Variants in CDK14 observed in about 807,000 individuals in gnomAD.
CDK14 encodes cyclin dependent kinase 14, also known as cyclin-dependent kinase 14.
CDK14 carries 34 observed loss-of-function variants against 60.7 expected under a neutral mutation model. The ratio of observed to expected loss-of-function variants is 0.56; its 90% CI spans 0.43 to 0.75. CDK14 has a LOEUF of 0.75. Ranked by LOEUF, CDK14 falls within the 30% of genes least tolerant of loss-of-function variation. The pLI is 0.00. For synonymous variants in CDK14, 197 were observed against 203.7 expected (o/e 0.97, Z 0.28); for missense variants, 482 against 564.1 (o/e 0.85, Z 1.47).
At chr7:90,611,722 G>A (rs1799541457) in intron 2 of CDK14, among the ~76,000 whole-genome samples, 1 of 151,968 alleles carries the variant, frequency 6.6e-6, no homozygotes, top group Non-Finnish European at 1.5e-5. Flanking sequence ...CCTGCTTACT[G>A]CTTTAAAAGG....
At chr7:91,193,991 G>A (rs923202239) in intron 14 of CDK14, among the ~76,000 whole-genome samples, 1 of 152,014 alleles carries the variant, frequency 6.6e-6, no homozygotes, top group Non-Finnish European at 1.5e-5. Flanking sequence ...ACTCTGTCTG[G>A]TTCAGATATG....
chr7:91,102,919 C>A (rs542285299), intron 12 of CDK14, among the ~76,000 whole-genome samples: 225 of 152,234 alleles, frequency 1.5e-3, no homozygotes, highest in African/African-American at 5.0e-3. Context: ...AGCAAACATT[C>A]AGTCATTTAG....
At chr7:90,621,663 T>TCCTTCCTTCCTG (rs1563018781) in intron 2 of CDK14, among the ~76,000 whole-genome samples, 82 of 112,682 alleles carry the variant, frequency 7.3e-4, no homozygotes, top group African/African-American at 1.1e-3. Flanking sequence ...CTTCCTTCCT[T>TCCTTCCTTCCTG]CCTTCCTGCC....
At chr7:91,022,279 G>A (rs1796452203) in intron 10 of CDK14, among the ~76,000 whole-genome samples, 1 of 152,160 alleles carries the variant, frequency 6.6e-6, no homozygotes, top group Non-Finnish European at 1.5e-5. Context: ...TCTTCGTAAA[G>A]GCTCATCATT....
intron 10 of CDK14, among the ~76,000 whole-genome samples, chr7:91,013,134 C>A (rs1250289796): frequency 6.6e-6 from 1 of 152,178 alleles, no homozygotes; most frequent in African/African-American, 2.4e-5. Context: ...CTAGAAGTTC[C>A]CAAACACAGG....
intron 9 of CDK14, among the ~76,000 whole-genome samples, chr7:90,964,127 A>G (rs1794686692): frequency 6.6e-6 from 1 of 152,202 alleles, no homozygotes; most frequent in African/African-American, 2.4e-5. Context: ...GGGCAGGCAG[A>G]TGTCTTCATA....
intron 12 of CDK14, among the ~76,000 whole-genome samples, chr7:91,086,411 C>T (rs963819720): frequency 1.3e-5 from 2 of 152,160 alleles, no homozygotes; most frequent in African/African-American, 2.4e-5. Context: ...TGTTGTCTCT[C>T]TCTCTTTTCT....
intron 6 of CDK14, among the ~76,000 whole-genome samples, chr7:90,887,727 A>T (rs17397734): frequency 0.16 from 24,665 of 152,108 alleles, 2,290 homozygotes; most frequent in Middle Eastern, 0.28. Flanking sequence ...CATTCCTCTG[A>T]ATTTTCTCTT....
At chr7:91,129,114 T>C (rs1181028073) in intron 14 of CDK14, among the ~76,000 whole-genome samples, 1 of 152,214 alleles carries the variant, frequency 6.6e-6, no homozygotes, top group African/African-American at 2.4e-5. Context: ...CCATATACCA[T>C]GTGGATCCCC....
At chr7:90,746,602 C>T (rs902005094) in intron 3 of CDK14, among the ~76,000 whole-genome samples, 1 of 151,982 alleles carries the variant, frequency 6.6e-6, no homozygotes, top group African/African-American at 2.4e-5. Context: ...TTTGGTATTA[C>T]CCTTTTATAT....
chr7:90,701,307 A>C (rs1325742716), intron 2 of CDK14, among the ~76,000 whole-genome samples: 1 of 152,208 alleles, frequency 6.6e-6, no homozygotes. Flanking sequence ...TTACCACAGC[A>C]ACTTGGATGT....
chr7:91,077,829 A>G (rs1461441106), intron 11 of CDK14, among the ~76,000 whole-genome samples: 1 of 152,068 alleles, frequency 6.6e-6, no homozygotes, highest in Non-Finnish European at 1.5e-5. Flanking sequence ...CCAAGAATCC[A>G]ATATTAAAAT....
At chr7:90,735,422 T>C (rs1563062907) in intron 3 of CDK14, among the ~76,000 whole-genome samples, 2 of 152,164 alleles carry the variant, frequency 1.3e-5, no homozygotes, top group African/African-American at 2.4e-5. Context: ...GCCGCCCCTT[T>C]CCCCCGTTGC....
intron 5 of CDK14, among the ~76,000 whole-genome samples, chr7:90,807,126 T>C (rs1343099735): frequency 6.6e-6 from 1 of 152,114 alleles, no homozygotes; most frequent in Non-Finnish European, 1.5e-5. Flanking sequence ...GTAGTGGTTC[T>C]CCCAGCACGC....
intron 5 of CDK14, among the ~76,000 whole-genome samples, chr7:90,813,010 A>T (rs561527781): frequency 6.6e-6 from 1 of 152,216 alleles, no homozygotes; most frequent in African/African-American, 2.4e-5. Context: ...AAATCTGGAA[A>T]CAAGTTAAAT....
At chr7:90,865,326 G>A (rs1014953524) in intron 6 of CDK14, among the ~76,000 whole-genome samples, 8 of 150,772 alleles carry the variant, frequency 5.3e-5, no homozygotes, top group African/African-American at 2.0e-4. Flanking sequence ...TAGTCTATTT[G>A]GCAATTGCCC....
intron 14 of CDK14, among the ~76,000 whole-genome samples, chr7:91,148,664 C>T (rs2115671035): frequency 6.6e-6 from 1 of 152,252 alleles, no homozygotes; most frequent in South Asian, 2.1e-4. Context: ...TGAGTCTGGT[C>T]AGAGGAACGA....
At chr7:90,782,090 C>T (rs1371150927) in intron 4 of CDK14, among the ~76,000 whole-genome samples, 1 of 151,992 alleles carries the variant, frequency 6.6e-6, no homozygotes, top group Non-Finnish European at 1.5e-5. Flanking sequence ...TCTTTTATTT[C>T]ATTGAGCAGT....
At chr7:91,138,473 C>T (rs1377676687) in intron 14 of CDK14, among the ~76,000 whole-genome samples, 1 of 152,096 alleles carries the variant, frequency 6.6e-6, no homozygotes, top group Non-Finnish European at 1.5e-5. Flanking sequence ...TTTAATAAAA[C>T]CTTTAAATCC....
Sources: allele counts gnomAD v4.1 joint callset (sites outside exome capture counted in the v4.1 genomes callset), GRCh38; gene constraint gnomAD v4.1.1; transcripts MANE v1.5; gene names NCBI Gene and HGNC (gene_info 2026-07-23, HGNC 2026-07-21).